The following KCNG2 variants were observed in gnomAD, a reference collection of about 807,000 sequenced individuals.
KCNG2 encodes voltage-gated potassium channel regulatory subunit KCNG2.
KCNG2 carries 7 observed loss-of-function variants against 12.3 expected under a neutral mutation model. That is an observed-to-expected ratio of 0.57 (90% confidence interval 0.32 to 1.07). The LOEUF (loss-of-function observed/expected upper bound fraction) is 1.07, where lower values mean the gene tolerates loss of function less well. Among genes scored for constraint, KCNG2 ranks in the 50% least tolerant of loss-of-function variants. The probability of loss-of-function intolerance (pLI) is 0.04; values close to 1 mark genes in which losing one functional copy is unlikely to be tolerated. For missense variants in KCNG2, 703 were observed against 726.0 expected (o/e 0.97, Z 0.36); for synonymous variants, 414 against 351.4 (o/e 1.18, Z -1.99).
At chr18:79,850,040 G>C (rs1031780202) in intron 1 of KCNG2, among the ~76,000 whole-genome samples, 1 of 152,158 alleles carries the variant, frequency 6.6e-6, no homozygotes, top group African/African-American at 2.4e-5. Flanking sequence ...CGGGGTCGCT[G>C]GTCCTGGCTC....
intron 2 of KCNG2, among the ~76,000 whole-genome samples, chr18:79,858,559 T>G (rs1180976609): frequency 1.3e-5 from 2 of 152,232 alleles, no homozygotes; most frequent in Non-Finnish European, 2.9e-5. Flanking sequence ...GAACACATGT[T>G]TTCATTTGTC....
chr18:79,843,171 C>A (rs1978515665), intron 1 of KCNG2, among the ~76,000 whole-genome samples: 1 of 152,082 alleles, frequency 6.6e-6, no homozygotes, highest in Non-Finnish European at 1.5e-5. Flanking sequence ...TCAACAGAAA[C>A]CTTGCAGGCC....
intron 1 of KCNG2, among the ~76,000 whole-genome samples, chr18:79,829,282 GTGTGTC>G (rs552841223): frequency 6.6e-6 from 1 of 151,354 alleles, no homozygotes; most frequent in African/African-American, 2.4e-5. Context: ...GTGTCTGTGT[GTGTGTC>G]TGCATGTATC....
intron 1 of KCNG2, among the ~76,000 whole-genome samples, chr18:79,807,139 C>T (rs2087455365): frequency 6.6e-6 from 1 of 152,228 alleles, no homozygotes; most frequent in South Asian, 2.1e-4. Flanking sequence ...CAGCACCCAC[C>T]TCAGCCTGCC....
At chr18:79,895,424 TCACTC>T (rs1356751229) in intron 3 of KCNG2, among the ~76,000 whole-genome samples, 1 of 152,134 alleles carries the variant, frequency 6.6e-6, no homozygotes, top group Non-Finnish European at 1.5e-5. Context: ...ATTGCATTGT[TCACTC>T]CATTCATAAC....
At chr18:79,893,651 A>C (rs181022143) in intron 3 of KCNG2, among the ~76,000 whole-genome samples, 142 of 150,712 alleles carry the variant, frequency 9.4e-4, no homozygotes, top group Non-Finnish European at 1.5e-3. Flanking sequence ...ACTCCATTCA[A>C]ATCTAATGGT....
intron 3 of KCNG2, among the ~76,000 whole-genome samples, chr18:79,872,865 C>T (rs1039818047): frequency 5.3e-5 from 8 of 152,250 alleles, no homozygotes; most frequent in African/African-American, 1.7e-4. Context: ...AGCGAGGTCT[C>T]TCTCCCCTTT....
At chr18:79,799,506 C>T (rs2087391146) in intron 1 of KCNG2, among the ~76,000 whole-genome samples, 2 of 152,342 alleles carry the variant, frequency 1.3e-5, no homozygotes, top group African/African-American at 4.8e-5. Context: ...TTAGATGTCA[C>T]ATTCTCGGGA....
intron 3 of KCNG2, among the ~76,000 whole-genome samples, chr18:79,879,249 G>A (rs906429203): frequency 2.0e-5 from 3 of 152,234 alleles, no homozygotes; most frequent in Admixed American, 6.5e-5. Flanking sequence ...AGGGCCTGAC[G>A]AAGGCCAGCA....
At chr18:79,871,954 A>G (rs995839807) in intron 3 of KCNG2, among the ~76,000 whole-genome samples, 1 of 152,216 alleles carries the variant, frequency 6.6e-6, no homozygotes, top group Non-Finnish European at 1.5e-5. Flanking sequence ...CTGGGGCCGC[A>G]CAATGCCACC....
chr18:79,812,309 G>T (rs1338622830), intron 1 of KCNG2, among the ~76,000 whole-genome samples: 1 of 152,152 alleles, frequency 6.6e-6, no homozygotes, highest in East Asian at 1.9e-4. Flanking sequence ...AACATCCAGT[G>T]CTTAGATTAG....
chr18:79,833,687 A>T (rs1024821338), intron 1 of KCNG2, among the ~76,000 whole-genome samples: 1 of 152,238 alleles, frequency 6.6e-6, no homozygotes, highest in Non-Finnish European at 1.5e-5. Context: ...AAGTCCAAAT[A>T]TGTGGTATAA....
chr18:79,883,589 G>A (rs534266521), intron 3 of KCNG2, among the ~76,000 whole-genome samples: 76 of 152,348 alleles, frequency 5.0e-4, no homozygotes, highest in African/African-American at 1.6e-3. Flanking sequence ...TGACCCAGGG[G>A]ACACTTGTCT....
intron 1 of KCNG2, among the ~76,000 whole-genome samples, chr18:79,799,108 C>T (rs909591852): frequency 1.3e-5 from 2 of 152,238 alleles, no homozygotes; most frequent in African/African-American, 4.8e-5. Context: ...CTGGCTTCCG[C>T]GTGCGCTCAA....
At chr18:79,825,541 A>C (rs1399996604) in intron 1 of KCNG2, among the ~76,000 whole-genome samples, 7 of 152,218 alleles carry the variant, frequency 4.6e-5, no homozygotes, top group Non-Finnish European at 4.4e-5. Context: ...GAGTTACAGA[A>C]GCTCCCCTCA....
intron 1 of KCNG2, among the ~76,000 whole-genome samples, chr18:79,830,129 T>G (rs1388167396): frequency 0.011 from 1 of 92 alleles, no homozygotes; most frequent in African/African-American, 0.036. Flanking sequence ...GAGTAGATTC[T>G]GCAGGTCCAC....
chr18:79,809,465 GCGC>G (rs2087475559), intron 1 of KCNG2, among the ~76,000 whole-genome samples: 1 of 77,208 alleles, frequency 1.3e-5, no homozygotes, highest in African/African-American at 5.4e-5. Flanking sequence ...TGCCGGGGCC[GCGC>G]TGACCACACT....
chr18:79,868,625 C>T (rs1329279337), intron 3 of KCNG2, among the ~76,000 whole-genome samples: 2 of 152,258 alleles, frequency 1.3e-5, no homozygotes, highest in African/African-American at 2.4e-5. Context: ...TGCTTCCAAG[C>T]GTCCAGCTGG....
intron 3 of KCNG2, among the ~76,000 whole-genome samples, chr18:79,895,469 T>C (rs542220142): frequency 6.6e-6 from 1 of 152,148 alleles, no homozygotes; most frequent in African/African-American, 2.4e-5. Flanking sequence ...GTGTCTGCCT[T>C]TGATTGGGTT....
Sources: allele counts gnomAD v4.1 joint callset (sites outside exome capture counted in the v4.1 genomes callset), GRCh38; gene constraint gnomAD v4.1.1; transcripts MANE v1.5; gene names NCBI Gene and HGNC (gene_info 2026-07-23, HGNC 2026-07-21).